DIAPH1: variants seen among roughly 807,000 people sequenced by gnomAD.
The protein encoded by DIAPH1 is diaphanous related formin 1.
In DIAPH1, 46 loss-of-function variants were observed where a neutral mutation model predicts 140.7. That is an observed-to-expected ratio of 0.33 (90% CI 0.26 to 0.42). DIAPH1 has a LOEUF of 0.42. DIAPH1 is among the 10% of genes least tolerant of loss of function. The pLI is 1.00. For synonymous variants in DIAPH1, 565 were observed against 551.6 expected (o/e 1.02, Z -0.34); for missense variants, 1,310 against 1,558.7 (o/e 0.84, Z 2.69).
intron 1 of DIAPH1, among the ~76,000 whole-genome samples, chr5:141,609,768 T>A (rs1181464955): frequency 1.3e-5 from 2 of 152,200 alleles, no homozygotes; most frequent in Admixed American, 6.5e-5. Flanking sequence ...AGACTGGCAT[T>A]ACACAATCTG....
At chr5:141,586,956 G>A in intron 3 of DIAPH1, 86 bp downstream of exon 3, 3 of 1,378,790 alleles carry the variant, frequency 2.2e-6, no homozygotes, top group South Asian at 1.2e-5. Flanking sequence ...GTAATAAAGG[G>A]CTAGTTGGGA....
intron 18 of DIAPH1, among the ~76,000 whole-genome samples, chr5:141,543,100 A>T (rs1439573065): frequency 6.6e-6 from 1 of 152,052 alleles, no homozygotes; most frequent in African/African-American, 2.4e-5. Context: ...GAAAATGTTC[A>T]TAGTAGCATT....
chr5:141,528,404 T>C, intron 23 of DIAPH1, 49 bp downstream of exon 23: 1 of 1,612,966 alleles, frequency 6.2e-7, no homozygotes, highest in East Asian at 2.2e-5. Flanking sequence ...CTTATTTCCC[T>C]CCCCATGCAG....
intron 3 of DIAPH1, among the ~76,000 whole-genome samples, chr5:141,584,615 C>T (rs531925108): frequency 6.6e-6 from 1 of 152,246 alleles, no homozygotes; most frequent in African/African-American, 2.4e-5. Context: ...AAATCAACAG[C>T]AACAAACTCT....
chr5:141,577,729 T>TC (rs1393103673), intron 11 of DIAPH1, 138 bp from the exon 12 acceptor site: 1 of 707,614 alleles, frequency 1.4e-6, no homozygotes, highest in Non-Finnish European at 2.6e-6. Context: ...CCTGTAAACA[T>TC]CACCAGAAAC....
intron 1 of DIAPH1, among the ~76,000 whole-genome samples, chr5:141,610,516 G>T (rs1052153832): frequency 6.6e-6 from 1 of 152,016 alleles, no homozygotes; most frequent in Non-Finnish European, 1.5e-5. Context: ...GGCCAGGATG[G>T]TCTCGATCTC....
rs529110310 is a variant in DIAPH1, at chr5:141,614,818, A to C, written c.117+3980T>G. On this transcript the variant is annotated intron_variant, in intron 1 of 27. Coordinates refer to ENST00000389054, the MANE Select transcript of DIAPH1 (RefSeq NM_005219.5). ...AATCCTTGCGTTCATCATCTGTTAA[A>C]AAAAAAAAAAGGTGTACAAAGCGCT... is the stretch of plus-strand genomic sequence containing the variant. Among the ~76,000 whole-genome samples the C allele has an allele frequency of 3.9e-4, 57 of 145,058 alleles. No individual in the cohort carries two copies. The East Asian group carries it at 0.011, about 27-fold the overall frequency.
At chr5:141,579,874 G>A (rs1374520947) in intron 8 of DIAPH1, among the ~76,000 whole-genome samples, 5 of 151,792 alleles carry the variant, frequency 3.3e-5, no homozygotes, top group African/African-American at 9.7e-5. Context: ...CTTGAACCTG[G>A]GAGGAGGAGT....
intron 27 of DIAPH1, chr5:141,519,052 T>C: frequency 6.8e-7 from 1 of 1,471,620 alleles, no homozygotes; most frequent in Non-Finnish European, 9.3e-7. Context: ...AGGACTTATC[T>C]AGTTACAGAT....
At chr5:141,519,037 G>A (rs6878257) in intron 27 of DIAPH1, 117,507 of 1,527,726 alleles carry the variant, frequency 0.077, 5,063 homozygotes, top group African/African-American at 0.16. Flanking sequence ...CTGACTGACA[G>A]CCACAGGACT....
chr5:141,575,166 G>T lies in DIAPH1; in HGVS notation c.1462-20C>A. ...GTCCAACTAGAGAAAAAACGAATCA[G>T]GCTCCCAGCAAGCTCTCCATCTCAG... On this transcript the variant is annotated intron_variant, in intron 14 of 27. Transcript: ENST00000389054. The T allele has an allele frequency of 6.2e-7, 1 of 1,613,764 alleles. No homozygotes were observed. The highest frequency in any genetic ancestry group is 1.1e-5 in the South Asian group (1 of 91,074).
chr5:141,526,381 C>T lies in DIAPH1; in HGVS notation c.3354G>A (p.Leu1118=), dbSNP rs1426958338. The T allele has an allele frequency of 4.3e-6, 7 of 1,614,152 alleles. No homozygotes were observed. Among genetic ancestry groups the T allele is most frequent in the East Asian group, 2.2e-5 (1 of 44,878 alleles). Residue 1118 remains leucine, a synonymous_variant, in exon 25 of 28, where the codon CTG becomes CTA. Transcript: ENST00000389054. ...HSNMETLYKE[L]GEYFLFDPKK... ...TGGGGTCAAAGAGGAAGTACTCGCC[C>T]AGCTCCTTATAGAGGGTCTCCATGT...
At chr5:141,553,984 AG>A (rs2099892158) in intron 18 of DIAPH1, among the ~76,000 whole-genome samples, 1 of 152,072 alleles carries the variant, frequency 6.6e-6, no homozygotes, top group Non-Finnish European at 1.5e-5. Context: ...AAGCATTAAG[AG>A]GAATAATATC....
chr5:141,556,855 C>A (rs941978523), intron 18 of DIAPH1, among the ~76,000 whole-genome samples: 4 of 152,082 alleles, frequency 2.6e-5, no homozygotes, highest in Non-Finnish European at 5.9e-5. Flanking sequence ...CCAGGCGGCC[C>A]GGCTAATTTT....
At chr5:141,591,787 TA>T (rs1295598824) in intron 1 of DIAPH1, among the ~76,000 whole-genome samples, 4 of 142,484 alleles carry the variant, frequency 2.8e-5, no homozygotes, top group Admixed American at 7.0e-5. Flanking sequence ...GATTTTATCT[TA>T]AAAAAAAATT....
chr5:141,559,031 A>G (rs1416558191), intron 18 of DIAPH1, among the ~76,000 whole-genome samples: 3 of 151,222 alleles, frequency 2.0e-5, no homozygotes, highest in Non-Finnish European at 4.4e-5. Flanking sequence ...ACACTTAATA[A>G]TCTCTCCAGG....
chr5:141,539,512 C>T (rs190030251), intron 18 of DIAPH1, among the ~76,000 whole-genome samples: 216 of 149,942 alleles, frequency 1.4e-3, no homozygotes, highest in Middle Eastern at 3.5e-3. Flanking sequence ...CCTTGTGATC[C>T]GCCCACCTCG....
intron 7 of DIAPH1, 21 bp downstream of exon 7, chr5:141,582,291 T>G (rs895048180): frequency 6.2e-7 from 1 of 1,605,126 alleles, no homozygotes; most frequent in African/African-American, 1.3e-5. Flanking sequence ...GGGTTTGGAA[T>G]GAGAATGGGA....
At chr5:141,588,617 A>G (rs1596393968) in intron 1 of DIAPH1, among the ~76,000 whole-genome samples, 2 of 152,200 alleles carry the variant, frequency 1.3e-5, no homozygotes, top group African/African-American at 2.4e-5. Flanking sequence ...CACACTCCCA[A>G]GACTGGAAAA....
Sources: allele counts gnomAD v4.1 joint callset (sites outside exome capture counted in the v4.1 genomes callset), GRCh38; gene constraint gnomAD v4.1.1; transcripts MANE v1.5; gene names NCBI Gene and HGNC (gene_info 2026-07-23, HGNC 2026-07-21).